The following TGFBR3 variants were observed in gnomAD, a reference collection of about 807,000 sequenced individuals.
TGFBR3 encodes the protein transforming growth factor beta receptor type 3.
In TGFBR3, 46 loss-of-function variants were observed where a neutral mutation model predicts 87.9. The observed-to-expected ratio is 0.52, with a 90% CI of 0.41 to 0.67. TGFBR3 has a LOEUF of 0.67. Among genes scored for constraint, TGFBR3 ranks in the 30% least tolerant of loss-of-function variants. TGFBR3 has a pLI of 0.00. For synonymous variants in TGFBR3, 381 were observed against 391.6 expected (o/e 0.97, Z 0.32); for missense variants, 866 against 1,041.9 (o/e 0.83, Z 2.32).
chr1:91,853,259 C>CAAAAAAAAAAAAAAAAAA (rs11340974), intron 2 of TGFBR3, among the ~76,000 whole-genome samples: 25 of 76,596 alleles, frequency 3.3e-4, no homozygotes, highest in African/African-American at 7.9e-4. Context: ...TGAGGGTTGG[C>CAAAAAAAAAAAAAAAAAA]AAAAAAAAAA....
chr1:91,849,859 G>A lies in TGFBR3; in HGVS notation c.61+11612C>T, dbSNP rs183978041. 5.5e-4 allele frequency among the ~76,000 whole-genome samples: 84 copies of A among 152,124 alleles called. 2 individuals are homozygous for A. The highest frequency in any genetic ancestry group is 1.9e-3 in the African/African-American group (77 of 41,518). On this transcript the variant is annotated intron_variant, in intron 2 of 16. Coordinates refer to ENST00000212355, the MANE Select transcript of TGFBR3 (RefSeq NM_003243.5). ...GCACTTTGGGAGGCCGAGGCGGGCC[G>A]ATCACGAGGTCAGGAGATTGAGACC...
intron 1 of TGFBR3, among the ~76,000 whole-genome samples, chr1:91,905,263 C>T (rs963068375): frequency 4.6e-5 from 7 of 152,242 alleles, no homozygotes; most frequent in African/African-American, 1.7e-4. Flanking sequence ...TTTGAATAAT[C>T]CTCAGGATCA....
rs527579709 is a variant in TGFBR3 at position 91,899,423 on chromosome 1, T to G, written c.-114+214A>C. 2.4e-4 allele frequency among the ~76,000 whole-genome samples: 36 copies of G among 152,202 alleles called. No individual in the cohort carries two copies. The South Asian group carries it at 7.3e-3, about 31-fold the overall frequency. ...CAGGAGGCTGAGGTGGGAGGATCAC[T>G]TGAGCCGAGGAGGTTGAGGCTGCAG... On this transcript the variant is annotated intron_variant, in intron 2 of 17. Coordinates refer to the TGFBR3 transcript ENST00000370399.
intron 3 of TGFBR3, among the ~76,000 whole-genome samples, chr1:91,761,199 C>A (rs944095231): frequency 6.6e-6 from 1 of 152,110 alleles, no homozygotes; most frequent in African/African-American, 2.4e-5. Flanking sequence ...GTATGTATTT[C>A]AAATGAACAA....
intron 2 of TGFBR3, among the ~76,000 whole-genome samples, chr1:91,821,328 C>CA (rs35313779): frequency 0.012 from 893 of 77,108 alleles, 11 homozygotes; most frequent in African/African-American, 0.028. Context: ...AAGACTGTCT[C>CA]AAAAAAAAAA....
intron 16 of TGFBR3, among the ~76,000 whole-genome samples, chr1:91,694,308 C>T (rs987682718): frequency 1.3e-5 from 2 of 152,194 alleles, no homozygotes; most frequent in Admixed American, 6.5e-5. Flanking sequence ...ACATACTTTA[C>T]TCAAAGTATC....
chr1:91,899,961 A>AAAAAC (rs1279448395), intron 1 of TGFBR3, among the ~76,000 whole-genome samples: 1 of 152,136 alleles, frequency 6.6e-6, no homozygotes. Context: ...ACCTGTCTCT[A>AAAAAC]AAAACAAAAC....
intron 1 of TGFBR3, among the ~76,000 whole-genome samples, chr1:91,864,889 A>T (rs2101210668): frequency 6.6e-6 from 1 of 152,284 alleles, no homozygotes; most frequent in Middle Eastern, 3.4e-3. Context: ...GGACTTTATG[A>T]ACTAAATGCT....
rs376056513 is a variant in TGFBR3, at chr1:91,764,855, T to C, written c.247-6105A>G. Reference sequence around the variant, plus strand: ...TCACAATGCCATCTCCAGTAAAATCTTTCCCCCTCCCTCAGACAGAGCCAG... The same window carrying C: ...TCACAATGCCATCTCCAGTAAAATCCTTCCCCCTCCCTCAGACAGAGCCAG... On this transcript the variant is annotated intron_variant, in intron 3 of 16. Coordinates refer to ENST00000212355, the MANE Select transcript of TGFBR3 (RefSeq NM_003243.5). Among the ~76,000 whole-genome samples the C allele has an allele frequency of 1.1e-4, 16 of 152,144 alleles. 1 individual carries two copies. Among genetic ancestry groups the C allele is most frequent in the African/African-American group, 3.4e-4 (14 of 41,498 alleles).
At position 91,712,308 on chromosome 1, in the gene TGFBR3, G is replaced by C. The variant is rs537982098; in HGVS notation, c.2101C>G (p.Leu701Val). 3 of 1,614,218 alleles carry C rather than the reference G, an allele frequency of 1.9e-6. No homozygotes were observed. In the South Asian group the frequency reaches 3.3e-5, roughly 18 times the overall value. ...AGCGTCAGCTCACACTGTAGAAAGAGCAGTGAGGTGTTGAAGACAGGCTTG... is the reference window on the plus strand; with the variant it reads ...AGCGTCAGCTCACACTGTAGAAAGACCAGTGAGGTGTTGAAGACAGGCTTG... ...VFKPVFNTSL[L>V]FLQCELTLCT... Residue 701 changes from leucine to valine, a missense_variant, in exon 13 of 17, where the codon CTC becomes GTC. Physicochemically the swap from Leu to Val is conservative, Grantham distance 32. Coordinates refer to ENST00000212355, the MANE Select transcript of TGFBR3 (RefSeq NM_003243.5).
chr1:91,843,276 T>C (rs147428861), intron 2 of TGFBR3, among the ~76,000 whole-genome samples: 2 of 152,116 alleles, frequency 1.3e-5, no homozygotes, highest in Non-Finnish European at 2.9e-5. Context: ...AGCGCTCTCA[T>C]GAATGGTATG....
At chr1:91,740,502 T>A (rs1211999967) in intron 4 of TGFBR3, among the ~76,000 whole-genome samples, 1 of 152,070 alleles carries the variant, frequency 6.6e-6, no homozygotes, top group African/African-American at 2.4e-5. Flanking sequence ...GTAGCTGGGA[T>A]TACAGGCGTC....
chr1:91,756,526 A>G (rs897395987), intron 4 of TGFBR3, among the ~76,000 whole-genome samples: 7 of 152,262 alleles, frequency 4.6e-5, no homozygotes, highest in Non-Finnish European at 1.0e-4. Context: ...ATGGTACTGT[A>G]GAAGGCTATC....
chr1:91,736,271 T>C, intron 4 of TGFBR3, among the ~76,000 whole-genome samples: 1 of 147,692 alleles, frequency 6.8e-6, no homozygotes, highest in East Asian at 2.0e-4. Flanking sequence ...GTTTTGTTTA[T>C]AACTGGCATC....
chr1:91,746,680 T>C (rs1024923955), intron 4 of TGFBR3, among the ~76,000 whole-genome samples: 36 of 152,180 alleles, frequency 2.4e-4, no homozygotes, highest in Non-Finnish European at 4.3e-4. Flanking sequence ...AAAACTGATT[T>C]TTACAAATGC....
intron 14 of TGFBR3, among the ~76,000 whole-genome samples, chr1:91,704,094 G>A (rs186957417): frequency 1.1e-4 from 17 of 152,202 alleles, no homozygotes; most frequent in East Asian, 7.7e-4. Flanking sequence ...TTGGGAGGCC[G>A]AGGTGGATGG....
At chr1:91,856,831 G>C (rs1233006053) in intron 2 of TGFBR3, among the ~76,000 whole-genome samples, 1 of 152,178 alleles carries the variant, frequency 6.6e-6, no homozygotes. Flanking sequence ...AATCAATCAA[G>C]AAGAGGTTTA....
At chr1:91,796,146 A>C (rs1185867382) in intron 3 of TGFBR3, among the ~76,000 whole-genome samples, 1 of 152,168 alleles carries the variant, frequency 6.6e-6, no homozygotes, top group Non-Finnish European at 1.5e-5. Flanking sequence ...CGAATACCTG[A>C]GTGATAACAT....
intron 2 of TGFBR3, among the ~76,000 whole-genome samples, chr1:91,825,635 G>T (rs1292566899): frequency 1.3e-5 from 2 of 152,206 alleles, no homozygotes; most frequent in Non-Finnish European, 2.9e-5. Flanking sequence ...TATGGTATGT[G>T]TATTATATCT....
Sources: allele counts gnomAD v4.1 joint callset (sites outside exome capture counted in the v4.1 genomes callset), GRCh38; gene constraint gnomAD v4.1.1; transcripts MANE v1.5; gene names NCBI Gene and HGNC (gene_info 2026-07-23, HGNC 2026-07-21).